MYO5B: variants seen among roughly 807,000 people sequenced by gnomAD.
MYO5B encodes the protein myosin VB, also known as unconventional myosin-Vb.
Under a neutral mutation model 229.3 loss-of-function variants are expected in MYO5B, and 143 were observed. That is an observed-to-expected ratio of 0.62 (90% CI 0.54 to 0.72). MYO5B has a LOEUF of 0.72. Ranked by LOEUF, MYO5B falls within the 30% of genes least tolerant of loss-of-function variation. MYO5B has a pLI of 0.00. For synonymous variants in MYO5B, 918 were observed against 885.2 expected (o/e 1.04, Z -0.66); for missense variants, 2,321 against 2,331.0 (o/e 1.00, Z 0.09).
chr18:50,130,471 A>ACACATG (rs2032238189), intron 1 of MYO5B, among the ~76,000 whole-genome samples: 1 of 151,956 alleles, frequency 6.6e-6, no homozygotes, highest in Non-Finnish European at 1.5e-5. Flanking sequence ...CCTGAGATGT[A>ACACATG]CACACATGCG....
chr18:49,888,705 C>T (rs1388036548), intron 22 of MYO5B, among the ~76,000 whole-genome samples: 2 of 152,172 alleles, frequency 1.3e-5, no homozygotes, highest in Non-Finnish European at 2.9e-5. Flanking sequence ...GGGCCCAGCT[C>T]CTCTCCCCAG....
At chr18:49,859,686 C>G (rs1302652885) in intron 29 of MYO5B, among the ~76,000 whole-genome samples, 1 of 152,178 alleles carries the variant, frequency 6.6e-6, no homozygotes, top group African/African-American at 2.4e-5. Context: ...ACAGCAGACC[C>G]AAACTGTGCT....
In MYO5B at chr18:49,904,829, C is replaced by G; in HGVS notation, c.2415-1G>C. ...GATCCTCCGCAGGTGCTCAGCCAGC[C>G]TGGGGAGCAAGAGGAAACAGGCAGT... On this transcript the variant is annotated splice_acceptor_variant, in intron 19 of 39. Transcript: ENST00000285039. LOFTEE classifies it high-confidence loss of function. The G allele has an allele frequency of 6.2e-7, 1 of 1,613,660 alleles. No homozygotes were observed. Among genetic ancestry groups the G allele is most frequent in the South Asian group, 1.1e-5 (1 of 91,078 alleles).
intron 17 of MYO5B, among the ~76,000 whole-genome samples, chr18:49,915,378 C>T (rs1018776056): frequency 7.2e-5 from 11 of 152,172 alleles, no homozygotes; most frequent in Non-Finnish European, 1.2e-4. Flanking sequence ...GTGTCACGCA[C>T]GTAGTGGCAC....
chr18:50,045,385 T>G (rs1338691066), intron 2 of MYO5B, among the ~76,000 whole-genome samples: 1 of 152,086 alleles, frequency 6.6e-6, no homozygotes, highest in Admixed American at 6.6e-5. Flanking sequence ...GCACAGTGAG[T>G]TTGGAGTCCT....
chr18:49,919,167 C>G (rs1026130877), intron 17 of MYO5B, among the ~76,000 whole-genome samples: 1 of 152,166 alleles, frequency 6.6e-6, no homozygotes, highest in Non-Finnish European at 1.5e-5. Context: ...TGAGACTGGG[C>G]TCTTACATGT....
chr18:49,863,344 A>G lies in MYO5B; in HGVS notation c.3844-17T>C. On this transcript the variant is annotated splice_polypyrimidine_tract_variant and intron_variant, in intron 28 of 39. Coordinates refer to ENST00000285039, the MANE Select transcript of MYO5B (RefSeq NM_001080467.3). ...GTTCGGCTCCTAGAAAGCCCCAGAT[A>G]AAAAAATAACTCTGGTTAAACAATT... The G allele has an allele frequency of 6.2e-7, 1 of 1,608,440 alleles. No individual in the cohort carries two copies. Among genetic ancestry groups the G allele is most frequent in the Non-Finnish European group, 8.5e-7 (1 of 1,175,350 alleles).
chr18:49,972,625 T>C (rs2144277942), intron 10 of MYO5B, among the ~76,000 whole-genome samples: 2 of 152,318 alleles, frequency 1.3e-5, no homozygotes, highest in South Asian at 4.1e-4. Flanking sequence ...AGGTCTTACT[T>C]GGAAGGTAAT....
At chr18:49,866,346 G>A (rs1423903096) in intron 27 of MYO5B, among the ~76,000 whole-genome samples, 1 of 152,128 alleles carries the variant, frequency 6.6e-6, no homozygotes, top group East Asian at 1.9e-4. Flanking sequence ...TGGGATTACA[G>A]GCATGAGCCG....
chr18:49,849,829 C>G (rs1457122317), intron 31 of MYO5B, 169 bp from the exon 32 acceptor site: 5 of 687,050 alleles, frequency 7.3e-6, no homozygotes, highest in African/African-American at 1.8e-5. Context: ...CTGTTGCCAC[C>G]TGCTCTGGAA....
chr18:49,961,183 G>A (rs993481575), intron 12 of MYO5B, among the ~76,000 whole-genome samples: 1 of 152,206 alleles, frequency 6.6e-6, no homozygotes, highest in African/African-American at 2.4e-5. Context: ...TTTAGCCAAT[G>A]CTACTCAATC....
chr18:49,846,402 C>T (rs541951612), intron 33 of MYO5B, among the ~76,000 whole-genome samples: 12 of 152,312 alleles, frequency 7.9e-5, no homozygotes, highest in Non-Finnish European at 5.9e-5. Context: ...CAACGAAATA[C>T]GAACTTTCAT....
At chr18:49,933,881 T>C (rs1238774368) in intron 16 of MYO5B, among the ~76,000 whole-genome samples, 1 of 152,190 alleles carries the variant, frequency 6.6e-6, no homozygotes, top group African/African-American at 2.4e-5. Flanking sequence ...AGGATACTTA[T>C]TTTTATTTTT....
chr18:49,958,052 C>T (rs529303585), intron 12 of MYO5B, among the ~76,000 whole-genome samples: 2 of 152,300 alleles, frequency 1.3e-5, no homozygotes, highest in South Asian at 2.1e-4. Flanking sequence ...ACAAAATACC[C>T]CTCTGCACGC....
At chr18:49,851,238 T>C (rs1308217806) in intron 31 of MYO5B, among the ~76,000 whole-genome samples, 5 of 152,030 alleles carry the variant, frequency 3.3e-5, no homozygotes, top group Admixed American at 2.6e-4. Flanking sequence ...GCCCAGAAAA[T>C]CCAATACCCC....
At chr18:49,860,115 C>T (rs1207463884) in intron 29 of MYO5B, among the ~76,000 whole-genome samples, 4 of 152,060 alleles carry the variant, frequency 2.6e-5, no homozygotes, top group Non-Finnish European at 5.9e-5. Context: ...TCTGGGACCT[C>T]GGGAATGCAC....
At chr18:50,061,263 A>G (rs1295013487) in intron 1 of MYO5B, among the ~76,000 whole-genome samples, 2 of 152,198 alleles carry the variant, frequency 1.3e-5, no homozygotes, top group African/African-American at 4.8e-5. Flanking sequence ...CAGTTTCCTT[A>G]GCTGAACAAC....
intron 10 of MYO5B, among the ~76,000 whole-genome samples, chr18:49,973,114 C>T (rs2025708515): frequency 6.6e-6 from 1 of 152,170 alleles, no homozygotes; most frequent in Admixed American, 6.5e-5. Context: ...CATCCAAACC[C>T]TCAAATAGAC....
chr18:50,162,081 G>A (rs1449769388), intron 1 of MYO5B, among the ~76,000 whole-genome samples: 1 of 152,258 alleles, frequency 6.6e-6, no homozygotes, highest in African/African-American at 2.4e-5. Flanking sequence ...AGAAGGCAGG[G>A]AAGAGGTCTG....
Sources: gnomAD v4.1 joint callset for allele counts (sites outside exome capture counted in the v4.1 genomes callset) on GRCh38, gnomAD v4.1.1 for gene constraint, MANE v1.5 for transcripts, NCBI Gene and HGNC (gene_info 2026-07-23, HGNC 2026-07-21) for gene names.